Variants in ANOS1 observed in about 807,000 individuals in gnomAD.
ANOS1 encodes the protein anosmin 1.
Under a neutral mutation model 59.0 loss-of-function variants are expected in ANOS1, and 6 were observed. That is an observed-to-expected ratio of 0.10 (90% CI 0.06 to 0.20). The LOEUF (loss-of-function observed/expected upper bound fraction) is 0.20, where lower values mean the gene tolerates loss of function less well. Ranked by LOEUF, ANOS1 falls within the 10% of genes least tolerant of loss-of-function variation. ANOS1 has a pLI of 1.00. For synonymous variants in ANOS1, 217 were observed against 223.4 expected (o/e 0.97, Z 0.25); for missense variants, 433 against 542.3 (o/e 0.80, Z 2.00).
At chrX:8,731,655 G>T (rs1047667250) in intron 1 of ANOS1, among the ~76,000 whole-genome samples, 175 bp downstream of exon 1, 8 of 112,504 alleles carry the variant, frequency 7.1e-5, no homozygotes, top group Non-Finnish European at 1.1e-4. Context: ...CCGGGAAGAG[G>T]CTGGAAAGGA....
At chrX:8,581,339 C>T (rs1475967519) in intron 6 of ANOS1, among the ~76,000 whole-genome samples, 2 of 111,633 alleles carry the variant, frequency 1.8e-5, no homozygotes, top group Admixed American at 9.5e-5. Context: ...TCTTTTGCCT[C>T]CCACCATGAT....
rs1234464931 is a variant in ANOS1, at chrX:8,640,153, T to C, written c.256-16483A>G. 3.6e-5 allele frequency among the ~76,000 whole-genome samples: 4 copies of C among 110,942 alleles called. No individual in the cohort carries two copies. The Admixed American group carries it at 3.9e-4, about 11-fold the overall frequency. ...CCTCATGGCTAAGCAGCCAGAGGCA[T>C]GGGGCTTTCACTCCAAATTTCACGG... On this transcript the variant is annotated intron_variant, in intron 2 of 13. Coordinates refer to ENST00000262648, the MANE Select transcript of ANOS1 (RefSeq NM_000216.4).
intron 2 of ANOS1, among the ~76,000 whole-genome samples, chrX:8,690,277 A>G: frequency 8.9e-6 from 1 of 112,293 alleles, no homozygotes; most frequent in Non-Finnish European, 1.9e-5. Context: ...AATCATTGTC[A>G]AACGTGATTT....
intron 8 of ANOS1, among the ~76,000 whole-genome samples, chrX:8,567,034 C>T (rs943118505): frequency 8.0e-5 from 9 of 111,941 alleles, no homozygotes; most frequent in East Asian, 2.8e-4. Flanking sequence ...CTGCGACAAA[C>T]GCCTCCTCCC....
At chrX:8,566,538 T>C (rs1003588202) in intron 8 of ANOS1, among the ~76,000 whole-genome samples, 6 of 111,419 alleles carry the variant, frequency 5.4e-5, no homozygotes, top group Admixed American at 9.6e-5. Context: ...ATATAGTGTA[T>C]ATATAATATA....
chrX:8,556,813 A>T (rs1929957405), intron 8 of ANOS1, among the ~76,000 whole-genome samples: 1 of 112,254 alleles, frequency 8.9e-6, no homozygotes, highest in Non-Finnish European at 1.9e-5. Flanking sequence ...TCTTTACAGA[A>T]TTAGAAAAAA....
intron 2 of ANOS1, among the ~76,000 whole-genome samples, chrX:8,659,406 TTCTC>T (rs373535341): frequency 0.029 from 3,093 of 108,397 alleles, 42 homozygotes; most frequent in African/African-American, 0.045. Flanking sequence ...GTGAGACTCT[TTCTC>T]TCTCTCTCTC....
intron 2 of ANOS1, among the ~76,000 whole-genome samples, chrX:8,676,612 T>C (rs1330321698): frequency 8.9e-6 from 1 of 112,126 alleles, no homozygotes; most frequent in African/African-American, 3.2e-5. Context: ...ACTCCACCCA[T>C]GTAACACGGT....
chrX:8,651,730 G>A (rs764023110), intron 2 of ANOS1, among the ~76,000 whole-genome samples: 3 of 111,952 alleles, frequency 2.7e-5, no homozygotes, highest in Non-Finnish European at 3.8e-5. Flanking sequence ...TCCTACCCAC[G>A]TGGAATAAAC....
At chrX:8,691,720 G>C (rs1189707438) in intron 2 of ANOS1, among the ~76,000 whole-genome samples, 1 of 112,575 alleles carries the variant, frequency 8.9e-6, no homozygotes, top group African/African-American at 3.2e-5. Context: ...TGGGAAAATA[G>C]TTCAAAGCAC....
chrX:8,653,292 T>A (rs1007391825), intron 2 of ANOS1, among the ~76,000 whole-genome samples: 3 of 111,705 alleles, frequency 2.7e-5, no homozygotes, highest in Non-Finnish European at 5.6e-5. Flanking sequence ...TTTGGTCATC[T>A]CGGGGTGAAA....
chrX:8,683,619 T>C (rs1455141599), intron 2 of ANOS1, among the ~76,000 whole-genome samples: 2 of 112,034 alleles, frequency 1.8e-5, no homozygotes, highest in Non-Finnish European at 3.8e-5. Context: ...GGTATTTCCT[T>C]GGCCAAAAAT....
At chrX:8,552,806 T>C (rs1929878036) in intron 9 of ANOS1, among the ~76,000 whole-genome samples, 1 of 110,315 alleles carries the variant, frequency 9.1e-6, no homozygotes, top group South Asian at 3.6e-4. Flanking sequence ...CAAATACTTT[T>C]CTTATTTAAT....
intron 4 of ANOS1, among the ~76,000 whole-genome samples, chrX:8,591,239 C>G (rs768881863): frequency 9.0e-6 from 1 of 111,177 alleles, no homozygotes; most frequent in Non-Finnish European, 1.9e-5. Context: ...ATATGCCAGA[C>G]AAATAGTTCT....
chrX:8,650,234 C>T (rs144126335), intron 2 of ANOS1, among the ~76,000 whole-genome samples: 128 of 112,542 alleles, frequency 1.1e-3, no homozygotes, highest in African/African-American at 4.1e-3. Context: ...TGCTGATAAA[C>T]ACATCTGCTG....
chrX:8,686,639 T>C (rs1007179755), intron 2 of ANOS1, among the ~76,000 whole-genome samples: 2 of 111,882 alleles, frequency 1.8e-5, no homozygotes, highest in Middle Eastern at 4.3e-3. Context: ...GCACAATTAG[T>C]ACTGATAATG....
At chrX:8,695,710 A>AG (rs966978949) in intron 2 of ANOS1, among the ~76,000 whole-genome samples, 3 of 110,290 alleles carry the variant, frequency 2.7e-5, no homozygotes, top group African/African-American at 9.9e-5. Context: ...AAAAAAAAAA[A>AG]AAAAAAAAAC....
intron 3 of ANOS1, among the ~76,000 whole-genome samples, chrX:8,597,801 A>T (rs934898616): frequency 1.6e-4 from 17 of 107,569 alleles, no homozygotes; most frequent in African/African-American, 5.8e-4. Context: ...CCTCCCAAGT[A>T]ACTAGAACTA....
intron 2 of ANOS1, among the ~76,000 whole-genome samples, chrX:8,628,670 T>G (rs1931436201): frequency 8.9e-6 from 1 of 112,361 alleles, no homozygotes; most frequent in Non-Finnish European, 1.9e-5. Context: ...TCCAAAACAG[T>G]AACCAAAGTT....
Sources: allele counts gnomAD v4.1 joint callset (sites outside exome capture counted in the v4.1 genomes callset), GRCh38; gene constraint gnomAD v4.1.1; transcripts MANE v1.5; gene names NCBI Gene and HGNC (gene_info 2026-07-23, HGNC 2026-07-21).